Variants in DLGAP2 observed in about 807,000 individuals in gnomAD.
The protein encoded by DLGAP2 is DLG associated protein 2.
DLGAP2 carries 26 observed loss-of-function variants against 100.3 expected under a neutral mutation model. The ratio of observed to expected loss-of-function variants is 0.26; its 90% CI spans 0.19 to 0.36. The LOEUF (loss-of-function observed/expected upper bound fraction) is 0.36, where lower values mean the gene tolerates loss of function less well. DLGAP2 is among the 10% of genes least tolerant of loss of function. DLGAP2 has a pLI of 1.00. For synonymous variants in DLGAP2, 886 were observed against 630.1 expected (o/e 1.41, Z -6.08); for missense variants, 1,858 against 1,453.2 (o/e 1.28, Z -4.53).
chr8:1,438,959 A>C (rs2130052758), intron 3 of DLGAP2, among the ~76,000 whole-genome samples: 1 of 152,368 alleles, frequency 6.6e-6, no homozygotes, highest in Admixed American at 6.5e-5. Context: ...ACATTTTGTT[A>C]AAATAAGATT....
chr8:1,087,232 T>G (rs546998349), intron 2 of DLGAP2, among the ~76,000 whole-genome samples: 9 of 152,352 alleles, frequency 5.9e-5, no homozygotes, highest in African/African-American at 1.9e-4. Context: ...AAAAGCAATT[T>G]TAAGAGGAAA....
chr8:1,505,546 TCATA>T (rs1468010354), intron 4 of DLGAP2, among the ~76,000 whole-genome samples: 1 of 152,218 alleles, frequency 6.6e-6, no homozygotes, highest in Non-Finnish European at 1.5e-5. Context: ...TCTCTGAAGC[TCATA>T]GAGTGTAATG....
chr8:1,366,022 G>A (rs543023277), intron 3 of DLGAP2, among the ~76,000 whole-genome samples: 1 of 152,344 alleles, frequency 6.6e-6, no homozygotes, highest in Non-Finnish European at 1.5e-5. Flanking sequence ...CCTGGCTTCT[G>A]CCACAGAGGT....
At chr8:1,029,927 G>A (rs1584993133) in intron 2 of DLGAP2, among the ~76,000 whole-genome samples, 1 of 152,184 alleles carries the variant, frequency 6.6e-6, no homozygotes, top group East Asian at 1.9e-4. Context: ...TGTGGAAAAG[G>A]AGGGTGTGGT....
chr8:1,314,458 C>G (rs1317541283), intron 3 of DLGAP2, among the ~76,000 whole-genome samples: 2 of 152,226 alleles, frequency 1.3e-5, no homozygotes, highest in South Asian at 2.1e-4. Flanking sequence ...CTAGAGCTGT[C>G]TGTGCTGTAA....
chr8:987,254 G>A (rs533584551), intron 2 of DLGAP2, among the ~76,000 whole-genome samples: 1 of 152,244 alleles, frequency 6.6e-6, no homozygotes, highest in Non-Finnish European at 1.5e-5. Flanking sequence ...GGGCAGAGAT[G>A]GTCAGTCACC....
At chr8:887,731 C>G (rs931549188) in intron 1 of DLGAP2, among the ~76,000 whole-genome samples, 1 of 152,090 alleles carries the variant, frequency 6.6e-6, no homozygotes, top group Non-Finnish European at 1.5e-5. Flanking sequence ...AGGGTTTCTG[C>G]TGGAGGTCTG....
At chr8:1,036,124 G>C (rs1167396645) in intron 2 of DLGAP2, among the ~76,000 whole-genome samples, 51 of 107,862 alleles carry the variant, frequency 4.7e-4, no homozygotes, top group African/African-American at 1.6e-3. Context: ...GGATTCACAC[G>C]CTCATCCCGA....
At chr8:1,411,764 T>C (rs4140953) in intron 3 of DLGAP2, among the ~76,000 whole-genome samples, 7,956 of 152,260 alleles carry the variant, frequency 0.052, 504 homozygotes, top group East Asian at 0.25. Context: ...CCGTGAACTT[T>C]CCAGAACTTG....
At chr8:1,487,139 C>T (rs1036615228) in intron 3 of DLGAP2, among the ~76,000 whole-genome samples, 2 of 152,028 alleles carry the variant, frequency 1.3e-5, no homozygotes, top group African/African-American at 4.8e-5. Context: ...TGCGAGTAAA[C>T]TTGACATGTG....
intron 5 of DLGAP2, among the ~76,000 whole-genome samples, chr8:1,560,839 G>C (rs1208837456): frequency 5.9e-5 from 9 of 152,208 alleles, no homozygotes; most frequent in African/African-American, 2.2e-4. Flanking sequence ...ATTTCTTGCT[G>C]AGAGAACCTG....
intron 3 of DLGAP2, among the ~76,000 whole-genome samples, chr8:1,284,327 T>A (rs1563060573): frequency 6.6e-6 from 1 of 152,148 alleles, no homozygotes; most frequent in Non-Finnish European, 1.5e-5. Flanking sequence ...GCTGTGCAGG[T>A]ATCTGGTATC....
intron 2 of DLGAP2, among the ~76,000 whole-genome samples, chr8:1,072,915 G>A (rs576120625): frequency 1.3e-4 from 20 of 152,316 alleles, no homozygotes; most frequent in Admixed American, 5.2e-4. Context: ...TGGCTGAGAC[G>A]GAATCTGCTG....
chr8:852,877 A>G (rs982315314), intron 1 of DLGAP2, among the ~76,000 whole-genome samples: 2 of 151,994 alleles, frequency 1.3e-5, no homozygotes, highest in African/African-American at 4.8e-5. Context: ...GTTTTTGTTT[A>G]TGGATCCCCT....
intron 6 of DLGAP2, among the ~76,000 whole-genome samples, chr8:1,588,867 A>T (rs1382629639): frequency 6.6e-6 from 1 of 151,964 alleles, no homozygotes; most frequent in African/African-American, 2.4e-5. Flanking sequence ...GGTTGCATTG[A>T]GCCGAGATCA....
chr8:1,408,395 A>G (rs1221465127), intron 3 of DLGAP2, among the ~76,000 whole-genome samples: 3 of 151,986 alleles, frequency 2.0e-5, no homozygotes, highest in African/African-American at 4.8e-5. Context: ...CCCAGCTCCA[A>G]GTTCGCCACA....
In DLGAP2 at chr8:1,078,550, T is replaced by C. The variant is rs1364130973; in HGVS notation, c.73+170584T>C. On this transcript the variant is annotated intron_variant, in intron 2 of 14. Coordinates refer to ENST00000637795, the MANE Select transcript of DLGAP2 (RefSeq NM_001346810.2). ...TTTTGCTGCCCTAAAAACCCTCTGT[T>C]CTCTGCCTGTTCCTCCCTCCCTCTC... Among the ~76,000 whole-genome samples, 5 of 151,302 alleles carry C rather than the reference T, an allele frequency of 3.3e-5. No homozygotes were observed. In the Admixed American group the frequency reaches 3.3e-4, roughly 10 times the overall value.
At chr8:1,336,616 C>G (rs1311769874) in intron 3 of DLGAP2, among the ~76,000 whole-genome samples, 1 of 152,200 alleles carries the variant, frequency 6.6e-6, no homozygotes, top group Non-Finnish European at 1.5e-5. Flanking sequence ...CACCAGCAGC[C>G]TCTGTGGCTT....
At chr8:1,288,254 T>A (rs1415432831) in intron 3 of DLGAP2, among the ~76,000 whole-genome samples, 1 of 145,036 alleles carries the variant, frequency 6.9e-6, no homozygotes, top group Non-Finnish European at 1.5e-5. Flanking sequence ...AGTGTGTGTG[T>A]GTGTGGTTGT....
Sources: gnomAD v4.1 joint callset for allele counts (sites outside exome capture counted in the v4.1 genomes callset) on GRCh38, gnomAD v4.1.1 for gene constraint, MANE v1.5 for transcripts, NCBI Gene and HGNC (gene_info 2026-07-23, HGNC 2026-07-21) for gene names.